The following GIGYF2 variants were observed in gnomAD, a reference collection of about 807,000 sequenced individuals.
The protein encoded by GIGYF2 is GRB10 interacting GYF protein 2, also known as GRB10-interacting GYF protein 2.
In GIGYF2, 25 loss-of-function variants were observed where a neutral mutation model predicts 208.1. The observed-to-expected ratio is 0.12, with a 90% CI of 0.09 to 0.17. The LOEUF (loss-of-function observed/expected upper bound fraction) is 0.17, where lower values mean the gene tolerates loss of function less well. Ranked by LOEUF, GIGYF2 falls within the 10% of genes least tolerant of loss-of-function variation. GIGYF2 has a pLI of 1.00. For missense variants in GIGYF2, 1,302 were observed against 1,579.4 expected, an observed-to-expected ratio of 0.82 and a Z score of 2.98; for synonymous variants, 534 against 543.8, an observed-to-expected ratio of 0.98 and a Z score of 0.25.
At chr2:232,728,519 A>T (rs13386650) in intron 2 of GIGYF2, among the ~76,000 whole-genome samples, 1 of 152,188 alleles carries the variant, frequency 6.6e-6, no homozygotes, top group Non-Finnish European at 1.5e-5. Flanking sequence ...CAGATGATCT[A>T]GGCTTTTGAG....
At chr2:232,804,107 A>C (rs993050330) in intron 14 of GIGYF2, among the ~76,000 whole-genome samples, 12 of 152,116 alleles carry the variant, frequency 7.9e-5, no homozygotes, top group South Asian at 2.1e-4. Context: ...CTTTTAAAAA[A>C]ATTTTTTTTT....
In GIGYF2 at chr2:232,720,583, A is replaced by ATATT. The variant is rs376956632; in HGVS notation, c.-43-14571_-43-14570insATTT. Among the ~76,000 whole-genome samples, 1,073 of 144,972 alleles carry ATATT rather than the reference A, an allele frequency of 7.4e-3. 9 individuals are homozygous for ATATT. The highest frequency in any genetic ancestry group is 0.019 in the African/African-American group (776 of 39,856). ...CAGTGTAATATATATATATATATATATTTTTGTTTGTTTGTTTGTTTGTTT... is the reference window on the plus strand; with the variant it reads ...CAGTGTAATATATATATATATATATATATTTTTTTGTTTGTTTGTTTGTTTGTTT... On this transcript the variant is annotated intron_variant, in intron 2 of 28. Transcript: ENST00000373563.
At chr2:232,816,779 C>A in intron 19 of GIGYF2, 92 bp from the exon 20 acceptor site, 1 of 935,752 alleles carries the variant, frequency 1.1e-6, no homozygotes, top group Admixed American at 1.8e-5. Context: ...GTACAAGCAG[C>A]TGATTGAATG....
chr2:232,740,169 T>C (rs1697917876), intron 3 of GIGYF2, among the ~76,000 whole-genome samples: 1 of 152,070 alleles, frequency 6.6e-6, no homozygotes, highest in Admixed American at 6.6e-5. Flanking sequence ...GGATCAAAAA[T>C]CTATTCAGTC....
chr2:232,846,192 T>C (rs1325020463), intron 26 of GIGYF2, among the ~76,000 whole-genome samples: 1 of 152,192 alleles, frequency 6.6e-6, no homozygotes, highest in African/African-American at 2.4e-5. Flanking sequence ...TTGCCAGCTA[T>C]GTCAAGTTAA....
At chr2:232,855,418 G>A (rs570902955) in intron 28 of GIGYF2, among the ~76,000 whole-genome samples, 5 of 152,150 alleles carry the variant, frequency 3.3e-5, no homozygotes, top group African/African-American at 1.2e-4. Flanking sequence ...CCTTCAATGG[G>A]TATGCTAGTA....
intron 15 of GIGYF2, among the ~76,000 whole-genome samples, chr2:232,807,268 C>T (rs1700588934): frequency 1.3e-5 from 2 of 152,028 alleles, no homozygotes; most frequent in Non-Finnish European, 2.9e-5. Context: ...CTTCTGTAAT[C>T]CTGGTGTGGG....
Position 232,819,978 on chromosome 2 carries a change from G to A in GIGYF2, c.2522G>A (p.Arg841His), listed in dbSNP as rs774838341. The A allele has an allele frequency of 4.3e-6, 7 of 1,612,406 alleles. No homozygotes were observed. Among genetic ancestry groups the A allele is most frequent in the South Asian group, 1.1e-5 (1 of 91,042 alleles). ...AGGCGGAAGCAGGAAGAATTGTTAC[G>A]CAAACAGGTGACCAGATGGTTTTGT... Reference protein sequence around the residue: ...EERRKQEELLRKQEEEAAKWA... With the variant: ...EERRKQEELLHKQEEEAAKWA... Residue 841 changes from arginine (R) to histidine (H), a missense_variant, in exon 21 of 29, where the codon CGC becomes CAC. Physicochemically the swap from Arg to His is conservative, Grantham distance 29. Around this residue, in one of 8 missense-constraint regions of GIGYF2, gnomAD observed 701 missense variants for 793.0 expected, o/e 0.88. Coordinates refer to ENST00000373563, the MANE Select transcript of GIGYF2 (RefSeq NM_001103146.3).
Position 232,760,474 on chromosome 2 carries a change from T to C in GIGYF2, c.380-6T>C, listed in dbSNP as rs1181900204. The C allele has an allele frequency of 1.3e-6, 2 of 1,596,546 alleles. No homozygotes were observed. Among genetic ancestry groups the C allele is most frequent in the African/African-American group, 2.7e-5 (2 of 74,550 alleles). ...CTATCATTTTTTTCTGTTTTCTTAT[T>C]TTCAGGCAGAGGCAGAGGTGAATGT... On this transcript the variant is annotated splice_polypyrimidine_tract_variant and splice_region_variant and intron_variant, in intron 6 of 28. Transcript: ENST00000373563.
At position 232,787,132 on chromosome 2, in the gene GIGYF2, A is replaced by G. The variant is rs377707707; in HGVS notation, c.533-18A>G. ...TGGCAGAGGCTCATGTTTACTTACC[A>G]TATTATTTTCTTTATAGGGAGACCA... On this transcript the variant is annotated intron_variant, in intron 8 of 28. Transcript: ENST00000373563. 18 of 1,587,038 alleles carry G rather than the reference A, an allele frequency of 1.1e-5. No individual in the cohort carries two copies. Among genetic ancestry groups the G allele is most frequent in the African/African-American group, 2.7e-5 (2 of 74,398 alleles).
chr2:232,739,361 A>ACCCC (rs35983968), intron 3 of GIGYF2, among the ~76,000 whole-genome samples: 9 of 75,648 alleles, frequency 1.2e-4, no homozygotes, highest in Admixed American at 1.5e-4. Flanking sequence ...ACAAAAGCAA[A>ACCCC]CCCCCCCCCC....
At chr2:232,718,203 T>C (rs1696779546) in intron 2 of GIGYF2, among the ~76,000 whole-genome samples, 1 of 152,138 alleles carries the variant, frequency 6.6e-6, no homozygotes, top group Admixed American at 6.6e-5. Flanking sequence ...GTTCAAGCTG[T>C]TCTCCTGTCT....
chr2:232,790,903 C>T lies in GIGYF2; in HGVS notation c.918C>T (p.Phe306=), dbSNP rs1700051086. The stretch of plus-strand genomic sequence containing the variant: ...GTACATTTGACTCATCTGGAGCATT[C>T]CTTTCTCTAAAAGTAAGAAACGTGT... The part of the protein sequence containing the change: ...EMGTFDSSGA[F]LSLKKVQKEP... The change falls in exon 10 of 29, where the codon TTC becomes TTT. Residue 306 remains phenylalanine, a synonymous_variant. Coordinates refer to ENST00000373563, the MANE Select transcript of GIGYF2 (RefSeq NM_001103146.3). 1 of 1,613,820 alleles carries T rather than the reference C, an allele frequency of 6.2e-7. No individual in the cohort carries two copies. The highest frequency in any genetic ancestry group is 1.1e-5 in the South Asian group (1 of 91,078).
At chr2:232,854,553 G>T (rs535092846) in intron 28 of GIGYF2, among the ~76,000 whole-genome samples, 1 of 152,160 alleles carries the variant, frequency 6.6e-6, no homozygotes, top group Admixed American at 6.5e-5. Context: ...TTTCAAGGGG[G>T]AAGAAAAAGA....
At chr2:232,841,963 G>T (rs1701829071) in intron 23 of GIGYF2, among the ~76,000 whole-genome samples, 1 of 151,916 alleles carries the variant, frequency 6.6e-6, no homozygotes, top group African/African-American at 2.4e-5. Flanking sequence ...CTGGAATGTA[G>T]CTAGGACTAC....
Position 232,856,745 on chromosome 2 carries a change from G to A in GIGYF2, c.3833-48G>A, listed in dbSNP as rs1947105. On this transcript the variant is annotated intron_variant, in intron 28 of 28. Coordinates refer to ENST00000373563, the MANE Select transcript of GIGYF2 (RefSeq NM_001103146.3). ...CAGCTCACCGCCTAGAATTTGAGCC[G>A]CTTGGTTGCCTGGGTGTGGTCACTC... is the stretch of plus-strand genomic sequence containing the variant. 0.65 allele frequency: 752,849 copies of A among 1,162,236 alleles called. 248,924 individuals are homozygous for A. Among genetic ancestry groups the A allele is most frequent in the Admixed American group, 0.74 (43,829 of 59,514 alleles). 72.0% of individuals were successfully genotyped at this position (1,162,236 alleles called of 1,614,324 possible). A position where few individuals can be genotyped will look rare whatever the true frequency, so the allele number is the denominator to read the frequency against.
chr2:232,759,053 C>A (rs1515961), intron 6 of GIGYF2, among the ~76,000 whole-genome samples: 68,273 of 151,870 alleles, frequency 0.45, 15,888 homozygotes, highest in South Asian at 0.7. Flanking sequence ...TACTTGCACT[C>A]GTCAAGAGGG....
At chr2:232,855,339 C>G (rs1251718234) in intron 28 of GIGYF2, among the ~76,000 whole-genome samples, 2 of 152,170 alleles carry the variant, frequency 1.3e-5, no homozygotes, top group African/African-American at 4.8e-5. Flanking sequence ...CCACCCACCT[C>G]GGCCTCCAGT....
intron 3 of GIGYF2, 149 bp from the exon 4 acceptor site, chr2:232,747,466 T>C: frequency 1.2e-6 from 1 of 815,910 alleles, no homozygotes; most frequent in Non-Finnish European, 2.0e-6. Flanking sequence ...GACAAAAGAT[T>C]GTATTAAAGC....
Sources: allele counts gnomAD v4.1 joint callset (sites outside exome capture counted in the v4.1 genomes callset), GRCh38; gene constraint gnomAD v4.1.1; regional missense constraint gnomAD v4.1.1; transcripts MANE v1.5; gene names NCBI Gene and HGNC (gene_info 2026-07-23, HGNC 2026-07-21).